Variants in PRR5L observed in about 807,000 individuals in gnomAD.
PRR5L encodes proline-rich protein 5-like.
A neutral mutation model predicts 36.4 loss-of-function variants in PRR5L; 21 were observed. The observed-to-expected ratio is 0.58, with a 90% CI of 0.41 to 0.83. The LOEUF is 0.83. PRR5L is among the 40% of genes least tolerant of loss of function. The pLI is 0.00. For synonymous variants in PRR5L, 188 were observed against 197.0 expected, an observed-to-expected ratio of 0.95 and a Z score of 0.38; for missense variants, 381 against 473.3, an observed-to-expected ratio of 0.80 and a Z score of 1.81.
At chr11:36,413,417 C>T (rs997295341) in intron 3 of PRR5L, among the ~76,000 whole-genome samples, 2 of 152,152 alleles carry the variant, frequency 1.3e-5, no homozygotes, top group African/African-American at 2.4e-5. Context: ...GGCCATGCTG[C>T]GGTAACCTTG....
At chr11:36,305,995 T>G (rs995918999) in intron 1 of PRR5L, among the ~76,000 whole-genome samples, 1 of 152,236 alleles carries the variant, frequency 6.6e-6, no homozygotes, top group African/African-American at 2.4e-5. Flanking sequence ...TTTGTCTTTT[T>G]GGGCCTAGCT....
At chr11:36,362,285 C>G (rs1223589191) in intron 1 of PRR5L, 2 of 152,092 alleles carry the variant, frequency 1.3e-5, no homozygotes, top group Non-Finnish European at 2.9e-5. Context: ...GGATCCCTCC[C>G]TTCCCTTTTT....
intron 1 of PRR5L, among the ~76,000 whole-genome samples, chr11:36,327,720 A>G (rs566668800): frequency 1.3e-5 from 2 of 152,230 alleles, no homozygotes; most frequent in Admixed American, 6.5e-5. Context: ...AGACTCCACA[A>G]TCCCTTATCT....
chr11:36,410,607 A>G (rs1202024199), intron 3 of PRR5L, among the ~76,000 whole-genome samples: 2 of 152,210 alleles, frequency 1.3e-5, no homozygotes, highest in African/African-American at 4.8e-5. Flanking sequence ...CCACATAACT[A>G]GGAGCTCAAT....
At chr11:36,382,577 A>T (rs1235530266) in intron 1 of PRR5L, among the ~76,000 whole-genome samples, 4 of 152,320 alleles carry the variant, frequency 2.6e-5, no homozygotes, top group African/African-American at 9.6e-5. Context: ...GTTGATTCCC[A>T]GACTACAATG....
intron 4 of PRR5L, among the ~76,000 whole-genome samples, chr11:36,430,741 C>G (rs574684650): frequency 2.0e-5 from 3 of 152,180 alleles, no homozygotes; most frequent in Non-Finnish European, 4.4e-5. Context: ...TATGGTATTG[C>G]TAGTATTATG....
chr11:36,319,893 G>T (rs1045671101), intron 1 of PRR5L, among the ~76,000 whole-genome samples: 2 of 152,064 alleles, frequency 1.3e-5, no homozygotes, highest in African/African-American at 4.8e-5. Context: ...GACTGAAGTC[G>T]CATGTCCAGG....
intron 1 of PRR5L, among the ~76,000 whole-genome samples, chr11:36,399,284 T>C (rs1857737134): frequency 1.3e-5 from 2 of 152,224 alleles, no homozygotes; most frequent in African/African-American, 4.8e-5. Context: ...AAACAGGACA[T>C]AAGTCTGCTT....
At chr11:36,306,328 T>C (rs1228968148) in intron 1 of PRR5L, among the ~76,000 whole-genome samples, 2 of 152,208 alleles carry the variant, frequency 1.3e-5, no homozygotes, top group South Asian at 2.1e-4. Flanking sequence ...AAAACCCACA[T>C]GTGGTGTTTG....
chr11:36,388,700 T>TTC lies in PRR5L; in HGVS notation c.-125-12296_-125-12295insCT, dbSNP rs536428454. 1.6e-3 allele frequency among the ~76,000 whole-genome samples: 218 copies of TTC among 138,240 alleles called. 5 individuals are homozygous for TTC. In the South Asian group the frequency reaches 0.05, roughly 32 times the overall value. 90.7% of individuals were successfully genotyped at this position (138,240 alleles called of 152,430 possible). ...CATTCAAGGTCGGCTCTTTCTTTCT[T>TTC]TTTTTTTTTTTTTTTTGAGACGGAG... On this transcript the variant is annotated intron_variant, in intron 1 of 8. Transcript: ENST00000530639.
chr11:36,457,867 T>C (rs779977092), intron 8 of PRR5L, among the ~76,000 whole-genome samples: 4 of 152,186 alleles, frequency 2.6e-5, no homozygotes, highest in Admixed American at 6.5e-5. Flanking sequence ...AGTGTGTACT[T>C]CTATCAGCAG....
chr11:36,419,966 C>T (rs1390942537), intron 4 of PRR5L, among the ~76,000 whole-genome samples: 2 of 152,214 alleles, frequency 1.3e-5, no homozygotes, highest in African/African-American at 2.4e-5. Context: ...TTGTCTGGAT[C>T]AGTCAGACTT....
At chr11:36,456,697 T>C (rs986627801) in intron 8 of PRR5L, among the ~76,000 whole-genome samples, 1 of 152,244 alleles carries the variant, frequency 6.6e-6, no homozygotes, top group Non-Finnish European at 1.5e-5. Flanking sequence ...TTCTGCGAAG[T>C]GGTTAGAAGC....
chr11:36,317,240 G>A (rs1488916692), intron 1 of PRR5L, among the ~76,000 whole-genome samples: 5 of 152,212 alleles, frequency 3.3e-5, no homozygotes, highest in African/African-American at 1.2e-4. Flanking sequence ...AGGTAGTAAG[G>A]AATGGATAAG....
At chr11:36,382,114 C>T (rs57815226) in intron 1 of PRR5L, among the ~76,000 whole-genome samples, 5,617 of 152,188 alleles carry the variant, frequency 0.037, 356 homozygotes, top group African/African-American at 0.13. Flanking sequence ...GCGGAGATCG[C>T]GCCACTTCAC....
At chr11:36,329,275 A>C (rs1033167405) in intron 1 of PRR5L, 1 of 152,176 alleles carries the variant, frequency 6.6e-6, no homozygotes, top group African/African-American at 2.4e-5. Context: ...CACTGGACCA[A>C]ACTGTTGTGA....
intron 1 of PRR5L, among the ~76,000 whole-genome samples, chr11:36,310,895 G>C (rs1856494663): frequency 6.7e-6 from 1 of 149,302 alleles, no homozygotes; most frequent in South Asian, 2.1e-4. Context: ...TACTCGGGAG[G>C]CCAAGGCAAG....
chr11:36,426,521 A>G lies in PRR5L; in HGVS notation c.295-5332A>G, dbSNP rs113803445. ...CAGTCAACAAGGTATAAGTATTTGT[A>G]TCAGTATTTTTATTACTATTGCTAA... On this transcript the variant is annotated intron_variant, in intron 4 of 8. Transcript: ENST00000530639. Among the ~76,000 whole-genome samples the G allele has an allele frequency of 5.2e-3, 785 of 152,356 alleles. 9 individuals are homozygous for G. Among genetic ancestry groups the G allele is most frequent in the Non-Finnish European group, 8.0e-3 (542 of 68,036 alleles).
chr11:36,334,352 G>T (rs1013872075), intron 1 of PRR5L, among the ~76,000 whole-genome samples: 9 of 152,154 alleles, frequency 5.9e-5, no homozygotes, highest in African/African-American at 2.2e-4. Flanking sequence ...TCTACTTAAA[G>T]TTCTTCTGTG....
Sources: allele counts gnomAD v4.1 joint callset (sites outside exome capture counted in the v4.1 genomes callset), GRCh38; gene constraint gnomAD v4.1.1; transcripts MANE v1.5; gene names NCBI Gene and HGNC (gene_info 2026-07-23, HGNC 2026-07-21).